Variants in DOCK1 observed in about 807,000 individuals in gnomAD.
The protein encoded by DOCK1 is dedicator of cytokinesis 1, also known as dedicator of cytokinesis protein 1.
DOCK1 carries 138 observed loss-of-function variants against 262.7 expected under a neutral mutation model. The observed-to-expected ratio is 0.53, with a 90% confidence interval of 0.46 to 0.61. The LOEUF is 0.61. Among genes scored for constraint, DOCK1 ranks in the 20% least tolerant of loss-of-function variants. DOCK1 has a pLI of 0.00. For missense variants in DOCK1, 1,908 were observed against 2,370.7 expected (o/e 0.80, Z 4.05); for synonymous variants, 866 against 867.4 (o/e 1.00, Z 0.03).
chr10:127,098,580 G>T (rs2048046516), intron 23 of DOCK1, among the ~76,000 whole-genome samples: 2 of 152,108 alleles, frequency 1.3e-5, no homozygotes, highest in African/African-American at 4.8e-5. Flanking sequence ...CCCATGAGAA[G>T]CCCGATAGGA....
Position 127,418,788 on chromosome 10 carries a change from A to G in DOCK1, c.4692+247A>G, listed in dbSNP as rs576849757. On this transcript the variant is annotated intron_variant, in intron 45 of 51. Coordinates refer to ENST00000623213, the MANE Select transcript of DOCK1 (RefSeq NM_001290223.2). ...CCAGGAAGCCCCCACTGACCCACCC[A>G]GGCTGGGCTTATCTGCACCCAGGCC... Among the ~76,000 whole-genome samples the G allele has an allele frequency of 3.3e-5, 5 of 152,338 alleles. No individual in the cohort carries two copies. The East Asian group carries it at 9.7e-4, about 29-fold the overall frequency.
intron 1 of DOCK1, among the ~76,000 whole-genome samples, chr10:126,954,902 T>C (rs892753261): frequency 2.6e-5 from 4 of 152,210 alleles, no homozygotes; most frequent in Admixed American, 2.6e-4. Flanking sequence ...TGTACAAGTT[T>C]CTGTTCAAGT....
At position 127,042,636 on chromosome 10, in the gene DOCK1, C is replaced by T; in HGVS notation, c.2022C>T (p.Asp674=). ...CTGTGTCTATGCAGTTTCTTCAGGA[C>T]ACGTTGGATGCCCTCTTCAACATCA... ...DGGEVVKFLQ[D]TLDALFNIMM... The change falls in exon 20 of 52, where the codon GAC becomes GAT. Residue 674 remains aspartate, a synonymous_variant. Coordinates refer to ENST00000623213, the MANE Select transcript of DOCK1 (RefSeq NM_001290223.2). 1 of 1,614,150 alleles carries T rather than the reference C, an allele frequency of 6.2e-7. No individual in the cohort carries two copies. Among genetic ancestry groups the T allele is most frequent in the Non-Finnish European group, 8.5e-7 (1 of 1,180,000 alleles).
chr10:127,057,246 A>G (rs959178843), intron 22 of DOCK1, among the ~76,000 whole-genome samples: 2 of 152,186 alleles, frequency 1.3e-5, no homozygotes, highest in African/African-American at 2.4e-5. Flanking sequence ...GAGAAAAACA[A>G]TTGTGCTCAC....
At chr10:127,293,689 G>T (rs2061417022) in intron 29 of DOCK1, among the ~76,000 whole-genome samples, 2 of 152,182 alleles carry the variant, frequency 1.3e-5, no homozygotes, top group South Asian at 4.1e-4. Flanking sequence ...TGAACCAGAA[G>T]ATCAACCCCT....
intron 1 of DOCK1, among the ~76,000 whole-genome samples, chr10:126,970,053 A>T (rs549554170): frequency 6.6e-6 from 1 of 152,314 alleles, no homozygotes; most frequent in South Asian, 2.1e-4. Context: ...AACACTTTGT[A>T]GCATCCTTTT....
intron 1 of DOCK1, among the ~76,000 whole-genome samples, chr10:126,945,693 T>C (rs1469304889): frequency 1.3e-5 from 2 of 152,148 alleles, no homozygotes; most frequent in Non-Finnish European, 2.9e-5. Flanking sequence ...GTGCATCTGG[T>C]TTTGCTGCCA....
intron 1 of DOCK1, among the ~76,000 whole-genome samples, chr10:126,912,704 T>G (rs34015666): frequency 7.1e-6 from 1 of 140,548 alleles, no homozygotes; most frequent in Non-Finnish European, 1.5e-5. Context: ...CCAGCCTGGG[T>G]GACAGAGTGA....
intron 27 of DOCK1, among the ~76,000 whole-genome samples, chr10:127,157,495 CA>C (rs1384824961): frequency 1.3e-5 from 2 of 152,248 alleles, no homozygotes; most frequent in African/African-American, 2.4e-5. Context: ...CTTTTACTCT[CA>C]ATCCTCTCCT....
intron 29 of DOCK1, among the ~76,000 whole-genome samples, chr10:127,324,619 T>G (rs989211363): frequency 6.6e-6 from 1 of 152,170 alleles, no homozygotes; most frequent in Non-Finnish European, 1.5e-5. Flanking sequence ...TTTCGGTTTT[T>G]TTTTTAAAAG....
At chr10:126,976,619 AG>A (rs2038561542) in intron 2 of DOCK1, among the ~76,000 whole-genome samples, 1 of 152,186 alleles carries the variant, frequency 6.6e-6, no homozygotes, top group African/African-American at 2.4e-5. Context: ...AATAGTGTAA[AG>A]AAACCCAGTA....
intron 43 of DOCK1, among the ~76,000 whole-genome samples, chr10:127,411,340 G>C (rs529586803): frequency 6.6e-6 from 1 of 152,128 alleles, no homozygotes; most frequent in Non-Finnish European, 1.5e-5. Context: ...CTGGACCCGG[G>C]TGCTCATTCC....
intron 29 of DOCK1, among the ~76,000 whole-genome samples, chr10:127,320,086 C>T (rs899399327): frequency 1.3e-5 from 2 of 152,116 alleles, no homozygotes; most frequent in Admixed American, 1.3e-4. Context: ...CTCATCGGTG[C>T]CCACAATAAC....
intron 29 of DOCK1, among the ~76,000 whole-genome samples, chr10:127,332,668 C>T (rs1376342958): frequency 1.3e-5 from 2 of 152,184 alleles, no homozygotes; most frequent in Non-Finnish European, 2.9e-5. Flanking sequence ...CCCACCCAGT[C>T]CCCCAGCTTT....
At chr10:127,417,999 A>G (rs756907669) in intron 44 of DOCK1, among the ~76,000 whole-genome samples, 1 of 150,830 alleles carries the variant, frequency 6.6e-6, no homozygotes, top group Non-Finnish European at 1.5e-5. Flanking sequence ...AAATTCCCGA[A>G]CATCTTCTCC....
intron 38 of DOCK1, among the ~76,000 whole-genome samples, chr10:127,390,975 C>T (rs894150004): frequency 2.0e-5 from 3 of 152,208 alleles, no homozygotes; most frequent in Non-Finnish European, 4.4e-5. Context: ...CCAAGAACAT[C>T]GTCAGACCAG....
Position 127,021,423 on chromosome 10 carries a change from G to A in DOCK1, c.1328-1777G>A, listed in dbSNP as rs370734713. ...CAGGCAATTCACCCACCTGAGCCTC[G>A]CAAAGCGCTGGGATTACAGGCGTGA... On this transcript the variant is annotated intron_variant, in intron 13 of 51. Coordinates refer to ENST00000623213, the MANE Select transcript of DOCK1 (RefSeq NM_001290223.2). Among the ~76,000 whole-genome samples, 4 of 152,186 alleles carry A rather than the reference G, an allele frequency of 2.6e-5. 1 individual carries two copies. Among genetic ancestry groups the A allele is most frequent in the East Asian group, 1.9e-4 (1 of 5,186 alleles).
At chr10:127,256,802 T>C (rs1273366167) in intron 28 of DOCK1, among the ~76,000 whole-genome samples, 2 of 152,150 alleles carry the variant, frequency 1.3e-5, no homozygotes, top group African/African-American at 2.4e-5. Flanking sequence ...CTAGGAGAGT[T>C]TGGCAACACG....
chr10:126,931,988 A>G (rs1302584911), intron 1 of DOCK1, among the ~76,000 whole-genome samples: 2 of 152,180 alleles, frequency 1.3e-5, no homozygotes, highest in African/African-American at 4.8e-5. Flanking sequence ...TGTTAGCAAG[A>G]TGGAATAAAA....
Sources: allele counts gnomAD v4.1 joint callset (sites outside exome capture counted in the v4.1 genomes callset), GRCh38; gene constraint gnomAD v4.1.1; transcripts MANE v1.5; gene names NCBI Gene and HGNC (gene_info 2026-07-23, HGNC 2026-07-21).